Variants in KAT7 observed in about 807,000 individuals in gnomAD.
The protein encoded by KAT7 is lysine acetyltransferase 7, also known as histone acetyltransferase KAT7.
KAT7 carries 10 observed loss-of-function variants against 82.1 expected under a neutral mutation model. The observed-to-expected ratio is 0.12, with a 90% CI of 0.08 to 0.21. KAT7 has a LOEUF of 0.21. KAT7 is among the 10% of genes least tolerant of loss of function. The probability of loss-of-function intolerance (pLI) is 1.00; values close to 1 mark genes in which losing one functional copy is unlikely to be tolerated. For synonymous variants in KAT7, 250 were observed against 262.5 expected (o/e 0.95, Z 0.46); for missense variants, 378 against 760.9 (o/e 0.50, Z 5.92).
rs774006060 is a variant in KAT7, at chr17:49,826,680, T to A, written c.1628-13T>A. ...GCACTTTGGCCAGGTTGTCAGTACT[T>A]CTTCTGTTTCAGAAATCAGTCAGGA... is the stretch of plus-strand genomic sequence containing the variant. On this transcript the variant is annotated splice_polypyrimidine_tract_variant and intron_variant, in intron 13 of 14. Transcript: ENST00000259021. The A allele has an allele frequency of 9.4e-6, 15 of 1,597,938 alleles. No homozygotes were observed. Among genetic ancestry groups the A allele is most frequent in the African/African-American group, 5.4e-5 (4 of 74,636 alleles).
intron 5 of KAT7, among the ~76,000 whole-genome samples, chr17:49,807,796 G>A (rs761495743): frequency 5.9e-5 from 9 of 152,126 alleles, no homozygotes; most frequent in Non-Finnish European, 1.2e-4. Context: ...GGAGCAACCC[G>A]TTAGGCTTGC....
At chr17:49,826,296 A>G (rs765068988) in intron 13 of KAT7, 150 bp downstream of exon 13, 7 of 706,206 alleles carry the variant, frequency 9.9e-6, no homozygotes, top group Non-Finnish European at 1.6e-5. Context: ...AATCCAAAGC[A>G]TTTGGCCCCT....
intron 12 of KAT7, among the ~76,000 whole-genome samples, chr17:49,824,894 G>C (rs2143990247): frequency 6.6e-6 from 1 of 151,328 alleles, no homozygotes; most frequent in South Asian, 2.1e-4. Context: ...CCATTATTTT[G>C]GTATCTCTAA....
At chr17:49,799,012 CCTTCTGTAA>C (rs2073990725) in intron 4 of KAT7, among the ~76,000 whole-genome samples, 1 of 152,132 alleles carries the variant, frequency 6.6e-6, no homozygotes, top group Admixed American at 6.5e-5. Context: ...GAGACCCTGG[CCTTCTGTAA>C]CTTTAGTAGC....
rs1408591384 is a variant in KAT7, at chr17:49,834,018, GTTAT to G, written c.*6521_*6524del. ...TGGCAGCCTCAGTTCACCTCATTTG[GTTAT>G]TTATCGTGTCTTCGCTGTCAGTCAA... On this transcript the variant is annotated 3_prime_UTR_variant, in exon 15 of 15. Transcript: ENST00000259021. 1 of 152,190 alleles carries G rather than the reference GTTAT, an allele frequency of 6.6e-6. No individual in the cohort carries two copies. Among genetic ancestry groups the G allele is most frequent in the African/African-American group, 2.4e-5 (1 of 41,438 alleles). 9.4% of individuals were successfully genotyped at this position (152,190 alleles called of 1,614,324 possible). A position where few individuals can be genotyped will look rare whatever the true frequency, so the allele number is the denominator to read the frequency against.
At chr17:49,816,145 A>C (rs2074231565) in intron 8 of KAT7, among the ~76,000 whole-genome samples, 1 of 152,162 alleles carries the variant, frequency 6.6e-6, no homozygotes, top group East Asian at 1.9e-4. Context: ...CGGCTCCCGG[A>C]AGTACCAGTT....
intron 9 of KAT7, among the ~76,000 whole-genome samples, chr17:49,819,868 A>G (rs2074280315): frequency 6.6e-6 from 1 of 152,272 alleles, no homozygotes; most frequent in Admixed American, 6.5e-5. Context: ...TCTTGGATGG[A>G]TTCCAGTTAA....
Position 49,821,665 on chromosome 17 carries a change from C to T in KAT7, c.1261C>T (p.Leu421=), listed in dbSNP as rs760197065. 27 of 1,613,306 alleles carry T rather than the reference C, an allele frequency of 1.7e-5. No homozygotes were observed. In the African/African-American group the frequency reaches 3.2e-4, roughly 19 times the overall value. The change falls in exon 11 of 15, where the codon CTG becomes TTG. Residue 421 remains leucine, a synonymous_variant. Transcript: ENST00000259021. The stretch of plus-strand genomic sequence containing the variant: ...CTGCTTCCAGATCTACTGCCAAAAC[C>T]TGTGCCTGTTGGCCAAACTTTTTCT... ...GKKNKIYCQN[L]CLLAKLFLDH...
intron 2 of KAT7, 74 bp downstream of exon 2, chr17:49,792,107 A>T (rs562016090): frequency 1.4e-6 from 2 of 1,480,930 alleles, no homozygotes; most frequent in South Asian, 2.4e-5. Context: ...TTTCCTAGTT[A>T]ATGTGGAAAC....
At chr17:49,826,289 C>T in intron 13 of KAT7, 143 bp downstream of exon 13, 1 of 766,752 alleles carries the variant, frequency 1.3e-6, no homozygotes, top group East Asian at 2.6e-5. Flanking sequence ...GCCTAGGAAT[C>T]CAAAGCATTT....
chr17:49,789,283 A>C (rs1308506246), intron 1 of KAT7: 1 of 158,022 alleles, frequency 6.3e-6, no homozygotes, highest in Non-Finnish European at 1.4e-5. Flanking sequence ...GCTTAGGCGG[A>C]CCTCGATTGG....
At chr17:49,797,062 A>AT in intron 3 of KAT7, 136 bp downstream of exon 3, 1 of 622,206 alleles carries the variant, frequency 1.6e-6, no homozygotes, top group Admixed American at 2.9e-5. Context: ...TTCCTTTCTT[A>AT]TGTCTTTTTT....
chr17:49,814,900 TATA>T (rs1025993216), intron 7 of KAT7: 2 of 152,192 alleles, frequency 1.3e-5, no homozygotes, highest in African/African-American at 4.8e-5. Flanking sequence ...GTGTGAAATC[TATA>T]ATGTTTTCCT....
chr17:49,790,766 A>G (rs994386179), intron 1 of KAT7, among the ~76,000 whole-genome samples: 6 of 152,206 alleles, frequency 3.9e-5, no homozygotes, highest in African/African-American at 4.8e-5. Flanking sequence ...GATACATGCA[A>G]AGTACTCCCC....
chr17:49,818,319 A>C (rs572148518), intron 9 of KAT7, among the ~76,000 whole-genome samples: 2 of 152,232 alleles, frequency 1.3e-5, no homozygotes, highest in African/African-American at 4.8e-5. Flanking sequence ...ACCTCTGCCC[A>C]CAGGTTTTGT....
At chr17:49,789,577 C>G (rs1243842303) in intron 1 of KAT7, 1 of 152,248 alleles carries the variant, frequency 6.6e-6, no homozygotes, top group East Asian at 1.9e-4. Flanking sequence ...CTTCTTACAG[C>G]TGAACTAACG....
intron 5 of KAT7, among the ~76,000 whole-genome samples, chr17:49,806,065 A>G (rs553386235): frequency 6.6e-6 from 1 of 152,212 alleles, no homozygotes; most frequent in Admixed American, 6.5e-5. Context: ...GGAACCGAAG[A>G]TCTAATTATG....
At position 49,799,596 on chromosome 17, in the gene KAT7, C is replaced by G. The variant is rs1441668459; in HGVS notation, c.580+1038C>G. On this transcript the variant is annotated intron_variant, in intron 4 of 14. Coordinates refer to ENST00000259021, the MANE Select transcript of KAT7 (RefSeq NM_007067.5). Reference sequence around the variant, plus strand: ...TTCGCCATGTTGGTCAGGCTGGTCTCGAACTCCTGACCTCATGATCTGCAC... The same window carrying G: ...TTCGCCATGTTGGTCAGGCTGGTCTGGAACTCCTGACCTCATGATCTGCAC... Among the ~76,000 whole-genome samples the G allele has an allele frequency of 2.0e-5, 3 of 152,262 alleles. No homozygotes were observed. The East Asian group carries it at 5.8e-4, about 29-fold the overall frequency.
Position 49,812,234 on chromosome 17 carries a change from CTTTTTTT to C in KAT7, c.852+674_852+680del, listed in dbSNP as rs35069050. Among the ~76,000 whole-genome samples, 218 of 119,116 alleles carry C rather than the reference CTTTTTTT, an allele frequency of 1.8e-3. 3 individuals carry two copies. Among genetic ancestry groups the C allele is most frequent in the African/African-American group, 6.5e-3 (207 of 32,060 alleles). 78.1% of individuals were successfully genotyped at this position (119,116 alleles called of 152,430 possible). A position where few individuals can be genotyped will look rare whatever the true frequency, so the allele number is the denominator to read the frequency against. On this transcript the variant is annotated intron_variant, in intron 7 of 14. Transcript: ENST00000259021. Reference sequence around the variant, plus strand: ...GAATTCTGTGTTTTCGCTTAAAAATCTTTTTTTTTTTTTTTTTTTTGAGACAGTCGGC... The same window carrying C: ...GAATTCTGTGTTTTCGCTTAAAAATCTTTTTTTTTTTTTGAGACAGTCGGC...
Sources: gnomAD v4.1 joint callset for allele counts (sites outside exome capture counted in the v4.1 genomes callset) on GRCh38, gnomAD v4.1.1 for gene constraint, MANE v1.5 for transcripts, NCBI Gene and HGNC (gene_info 2026-07-23, HGNC 2026-07-21) for gene names.